Variants in NCDN observed in about 807,000 individuals in gnomAD.
NCDN encodes the protein neurochondrin.
Under a neutral mutation model 60.7 loss-of-function variants are expected in NCDN, and 9 were observed. The ratio of observed to expected loss-of-function variants is 0.15; its 90% CI spans 0.09 to 0.26. NCDN has a LOEUF of 0.26. NCDN is among the 10% of genes least tolerant of loss of function. The pLI is 1.00. For missense variants in NCDN, 578 were observed against 975.2 expected, an observed-to-expected ratio of 0.59 and a Z score of 5.42; for synonymous variants, 409 against 442.5, an observed-to-expected ratio of 0.92 and a Z score of 0.95.
Position 35,558,543 on chromosome 1 carries a change from G to T in NCDN, c.33+320G>T. 7.5e-7 allele frequency: 1 copy of T among 1,331,670 alleles called. No individual in the cohort carries two copies. The highest frequency in any genetic ancestry group is 1.8e-5 in the South Asian group (1 of 54,174). 82.5% of individuals were successfully genotyped at this position (1,331,670 alleles called of 1,614,324 possible). ...GCTGGAGGGGTGGGGTCCCCAAAGG[G>T]GCCTCCAAGCCTTCCCTGTTGAGCG... On this transcript the variant is annotated intron_variant, in intron 1 of 6. Transcript: ENST00000373243. This position sits in a 1 kb window ranked among gnomAD's most constrained non-coding sequence, Gnocchi z 6.3.
chr1:35,559,652 G>A (rs944557769), intron 2 of NCDN, among the ~76,000 whole-genome samples: 3 of 151,672 alleles, frequency 2.0e-5, no homozygotes, highest in Admixed American at 6.6e-5. Context: ...CAGTAGGTAG[G>A]TTAAGGAATG....
chr1:35,565,768 C>T lies in NCDN; in HGVS notation c.*105C>T. 8.3e-7 allele frequency: 1 copy of T among 1,210,088 alleles called. No individual in the cohort carries two copies. Among genetic ancestry groups the T allele is most frequent in the Non-Finnish European group, 1.1e-6 (1 of 890,830 alleles). 75.0% of individuals were successfully genotyped at this position (1,210,088 alleles called of 1,614,324 possible). On this transcript the variant is annotated 3_prime_UTR_variant, in exon 7 of 7. Coordinates refer to ENST00000373243, the MANE Select transcript of NCDN (RefSeq NM_014284.3). This position sits in a 1 kb window ranked among gnomAD's most constrained non-coding sequence, Gnocchi z 8.9. ...TGGCCCCCCCCTCCCCAGACTTCCT[C>T]CCCAAAACACCCCAGCTTTCTGGCT...
At position 35,562,676 on chromosome 1, in the gene NCDN, G is replaced by A. The variant is rs139656058; in HGVS notation, c.1385+43G>A. The A allele has an allele frequency of 8.4e-5, 133 of 1,576,570 alleles. No individual in the cohort carries two copies. Among genetic ancestry groups the A allele is most frequent in the South Asian group, 2.3e-4 (20 of 85,500 alleles). ...GTCTGTCCAGCTAGATCATTCTACC[G>A]AAAAGCGTTAACACAAGGACACCCC... On this transcript the variant is annotated intron_variant, in intron 4 of 6. Coordinates refer to ENST00000373243, the MANE Select transcript of NCDN (RefSeq NM_014284.3). The surrounding 1 kb of genome is among the most constrained non-coding windows in gnomAD (Gnocchi z 6.8).
In NCDN at chr1:35,561,144, G is replaced by A. The variant is rs191794024; in HGVS notation, c.993G>A (p.Glu331=). ...ALEETGTEVK[E]DVVTACYALM... ...AGGAGACGGGCACGGAGGTGAAAGA[G>A]GATGTGGTGACCGCCTGCTATGCCC... Residue 331 remains glutamate, a synonymous_variant, in exon 3 of 7, where the codon GAG becomes GAA. Coordinates refer to ENST00000373243, the MANE Select transcript of NCDN (RefSeq NM_014284.3). The surrounding 1 kb of genome is among the most constrained non-coding windows in gnomAD (Gnocchi z 4.9). 5.0e-6 allele frequency: 8 copies of A among 1,611,008 alleles called. No individual in the cohort carries two copies. In the African/African-American group the frequency reaches 5.3e-5, roughly 11 times the overall value.
rs1229613193 is a variant in NCDN, at chr1:35,561,388, C to T, written c.1143+94C>T. ...GGGGAGGAGAATAATGGGGAGACAGCGAAGCTGCATGTCCACACAAGCTGA... is the reference window on the plus strand; with the variant it reads ...GGGGAGGAGAATAATGGGGAGACAGTGAAGCTGCATGTCCACACAAGCTGA... On this transcript the variant is annotated intron_variant, in intron 3 of 6. Transcript: ENST00000373243. The surrounding 1 kb of genome is among the most constrained non-coding windows in gnomAD (Gnocchi z 4.9). The T allele has an allele frequency of 1.0e-5, 15 of 1,460,464 alleles. No individual in the cohort carries two copies. The highest frequency in any genetic ancestry group is 1.4e-5 in the African/African-American group (1 of 71,224). The allele number at this position is 1,460,464 out of a possible 1,614,324, so 90.5% of individuals were successfully genotyped here.
Position 35,559,255 on chromosome 1 carries a change from A to C in NCDN, c.174+8A>C, listed in dbSNP as rs925924595. The C allele has an allele frequency of 1.2e-6, 2 of 1,613,940 alleles. No homozygotes were observed. Among genetic ancestry groups the C allele is most frequent in the Non-Finnish European group, 1.7e-6 (2 of 1,179,876 alleles). On this transcript the variant is annotated splice_region_variant and intron_variant, in intron 2 of 6. Coordinates refer to ENST00000373243, the MANE Select transcript of NCDN (RefSeq NM_014284.3). The stretch of plus-strand genomic sequence containing the variant: ...TTTGCAGCCCTGCTGCTAGTAAGGA[A>C]CTGGCTGAAAATTGGGAGGTGGGAA...
intron 2 of NCDN, 73 bp downstream of exon 2, chr1:35,559,320 G>C: frequency 6.3e-7 from 1 of 1,595,286 alleles, no homozygotes; most frequent in East Asian, 2.2e-5. Context: ...GGGTCAGTGA[G>C]TCCCCAAGGA....
In NCDN at chr1:35,566,679, AC is replaced by A. The variant is rs1648889399; in HGVS notation, c.*1017del. Reference sequence around the variant, plus strand: ...CACACACACACACACACACACACACACTCTTGATCCCTTGCTTCCCTCCCCC... The same window carrying A: ...CACACACACACACACACACACACACATCTTGATCCCTTGCTTCCCTCCCCC... On this transcript the variant is annotated 3_prime_UTR_variant, in exon 7 of 7. Transcript: ENST00000373243. This position sits in a 1 kb window ranked among gnomAD's most constrained non-coding sequence, Gnocchi z 5.3. The A allele has an allele frequency of 5.0e-6, 2 of 396,322 alleles. No homozygotes were observed. The allele number at this position is 396,322 out of a possible 1,614,324, so 24.6% of individuals were successfully genotyped here.
chr1:35,558,176 G>C lies in NCDN; in HGVS notation c.-15G>C. The C allele has an allele frequency of 6.2e-7, 1 of 1,613,976 alleles. No homozygotes were observed. Among genetic ancestry groups the C allele is most frequent in the Non-Finnish European group, 8.5e-7 (1 of 1,179,994 alleles). ...TGAAGTGTGATCTCATCGCCGCCCT[G>C]TCGTGACTTCATCAATGTCGTGTTG... On this transcript the variant is annotated 5_prime_UTR_variant, in exon 1 of 7. Coordinates refer to ENST00000373243, the MANE Select transcript of NCDN (RefSeq NM_014284.3). The surrounding 1 kb of genome is among the most constrained non-coding windows in gnomAD (Gnocchi z 6.3).
At position 35,558,502 on chromosome 1, in the gene NCDN, G is replaced by T; in HGVS notation, c.33+279G>T. Reference sequence around the variant, plus strand: ...GAGAGGAGGCAAGGAGCCTGCGGGGGCGACTGAGAGCCCTGGCTGGAGGGG... The same window carrying T: ...GAGAGGAGGCAAGGAGCCTGCGGGGTCGACTGAGAGCCCTGGCTGGAGGGG... On this transcript the variant is annotated intron_variant, in intron 1 of 6. Coordinates refer to ENST00000373243, the MANE Select transcript of NCDN (RefSeq NM_014284.3). This position sits in a 1 kb window ranked among gnomAD's most constrained non-coding sequence, Gnocchi z 6.3. The T allele has an allele frequency of 7.2e-7, 1 of 1,381,904 alleles. No individual in the cohort carries two copies. The highest frequency in any genetic ancestry group is 9.4e-7 in the Non-Finnish European group (1 of 1,069,286). The allele number at this position is 1,381,904 out of a possible 1,614,324, so 85.6% of individuals were successfully genotyped here.
Position 35,561,760 on chromosome 1 carries a change from G to A in NCDN, c.1143+466G>A, listed in dbSNP as rs906348573. ...TATAGAGGTCTGGCTAGATCAATTC[G>A]CCTGCCTCCCCTACATCCCCTCCTG... On this transcript the variant is annotated intron_variant, in intron 3 of 6. Coordinates refer to ENST00000373243, the MANE Select transcript of NCDN (RefSeq NM_014284.3). This position sits in a 1 kb window ranked among gnomAD's most constrained non-coding sequence, Gnocchi z 4.9. Among the ~76,000 whole-genome samples the A allele has an allele frequency of 4.6e-5, 7 of 152,048 alleles. No homozygotes were observed. The highest frequency in any genetic ancestry group is 1.7e-4 in the African/African-American group (7 of 41,392).
Position 35,561,393 on chromosome 1 carries a change from C to A in NCDN, c.1143+99C>A. 3 of 1,452,056 alleles carry A rather than the reference C, an allele frequency of 2.1e-6. No individual in the cohort carries two copies. The highest frequency in any genetic ancestry group is 2.7e-6 in the Non-Finnish European group (3 of 1,101,050). 89.9% of individuals were successfully genotyped at this position (1,452,056 alleles called of 1,614,324 possible). On this transcript the variant is annotated intron_variant, in intron 3 of 6. Transcript: ENST00000373243. This position sits in a 1 kb window ranked among gnomAD's most constrained non-coding sequence, Gnocchi z 4.9. The stretch of plus-strand genomic sequence containing the variant: ...GGAGAATAATGGGGAGACAGCGAAG[C>A]TGCATGTCCACACAAGCTGATACTG...
In NCDN at chr1:35,558,757, C is replaced by G; in HGVS notation, c.34-350C>G. The G allele has an allele frequency of 8.8e-7, 1 of 1,134,824 alleles. No individual in the cohort carries two copies. The highest frequency in any genetic ancestry group is 1.1e-6 in the Non-Finnish European group (1 of 908,238). The allele number at this position is 1,134,824 out of a possible 1,614,324, so 70.3% of individuals were successfully genotyped here. On this transcript the variant is annotated intron_variant, in intron 1 of 6. Transcript: ENST00000373243. The surrounding 1 kb of genome is among the most constrained non-coding windows in gnomAD (Gnocchi z 6.3). ...GTGTCCCTGTGGAGGGAGATAAAACCCAGCCTCCGGTGCCAGGGGGACAGC... is the reference window on the plus strand; with the variant it reads ...GTGTCCCTGTGGAGGGAGATAAAACGCAGCCTCCGGTGCCAGGGGGACAGC...
chr1:35,563,447 G>A lies in NCDN; in HGVS notation c.1610+21G>A. 1.2e-6 allele frequency: 2 copies of A among 1,605,752 alleles called. No homozygotes were observed. The highest frequency in any genetic ancestry group is 2.2e-5 in the South Asian group (2 of 90,952). On this transcript the variant is annotated intron_variant, in intron 5 of 6. Coordinates refer to ENST00000373243, the MANE Select transcript of NCDN (RefSeq NM_014284.3). The surrounding 1 kb of genome is among the most constrained non-coding windows in gnomAD (Gnocchi z 6.6). The stretch of plus-strand genomic sequence containing the variant: ...ATCAAGTGAGGGGCTCGGGAGAGGT[G>A]GGGGAGGAGGCCGGAGGAGGCAAAG...
chr1:35,560,212 T>C lies in NCDN; in HGVS notation c.175-114T>C. 7.4e-7 allele frequency: 1 copy of C among 1,359,924 alleles called. No individual in the cohort carries two copies. The highest frequency in any genetic ancestry group is 1.4e-5 in the South Asian group (1 of 73,328). The allele number at this position is 1,359,924 out of a possible 1,614,324, so 84.2% of individuals were successfully genotyped here. ...AGGAGCTGGATGAAATGACCTCAGA[T>C]GAGTCCTGTTGCATAACCTCATCTT... On this transcript the variant is annotated intron_variant, in intron 2 of 6. Coordinates refer to ENST00000373243, the MANE Select transcript of NCDN (RefSeq NM_014284.3). This position sits in a 1 kb window ranked among gnomAD's most constrained non-coding sequence, Gnocchi z 7.6.
At position 35,558,369 on chromosome 1, in the gene NCDN, G is replaced by GC. The variant is rs1648480591; in HGVS notation, c.33+147dup. 3 of 1,522,150 alleles carry GC rather than the reference G, an allele frequency of 2.0e-6. No homozygotes were observed. In the Admixed American group the frequency reaches 6.0e-5, roughly 30 times the overall value. The allele number at this position is 1,522,150 out of a possible 1,614,324, so 94.3% of individuals were successfully genotyped here. On this transcript the variant is annotated intron_variant, in intron 1 of 6. Transcript: ENST00000373243. This position sits in a 1 kb window ranked among gnomAD's most constrained non-coding sequence, Gnocchi z 6.3. ...CTCCAGCCCCTGCCGGCATCCACAG[G>GC]CTGGTAGCGGGACGGGGAGGGCGAG...
In NCDN at chr1:35,558,653, C is replaced by G; in HGVS notation, c.33+430C>G. ...CCTGGGGTGTCCTTTTCTCCCATGT[C>G]AGCCTGAGTCCGGATAATCGAACTT... On this transcript the variant is annotated intron_variant, in intron 1 of 6. Transcript: ENST00000373243. The surrounding 1 kb of genome is among the most constrained non-coding windows in gnomAD (Gnocchi z 6.3). 1 of 1,141,924 alleles carries G rather than the reference C, an allele frequency of 8.8e-7. No homozygotes were observed. Among genetic ancestry groups the G allele is most frequent in the Non-Finnish European group, 1.1e-6 (1 of 925,746 alleles). 70.7% of individuals were successfully genotyped at this position (1,141,924 alleles called of 1,614,324 possible). A position where few individuals can be genotyped will look rare whatever the true frequency, so the allele number is the denominator to read the frequency against.
chr1:35,566,014 G>T lies in NCDN; in HGVS notation c.*351G>T. ...GGAGGCTCCAGGGTAAGACAGGGCTGGCAGGAGCAGACTGCCTCAGCCCAT... is the reference window on the plus strand; with the variant it reads ...GGAGGCTCCAGGGTAAGACAGGGCTTGCAGGAGCAGACTGCCTCAGCCCAT... On this transcript the variant is annotated 3_prime_UTR_variant, in exon 7 of 7. Coordinates refer to ENST00000373243, the MANE Select transcript of NCDN (RefSeq NM_014284.3). The surrounding 1 kb of genome is among the most constrained non-coding windows in gnomAD (Gnocchi z 5.3). The T allele has an allele frequency of 3.7e-6, 1 of 270,472 alleles. No individual in the cohort carries two copies. Among genetic ancestry groups the T allele is most frequent in the Non-Finnish European group, 7.2e-6 (1 of 139,798 alleles). 16.8% of individuals were successfully genotyped at this position (270,472 alleles called of 1,614,324 possible). A position where few individuals can be genotyped will look rare whatever the true frequency, so the allele number is the denominator to read the frequency against.
chr1:35,566,629 C>CCACACACACACACACA lies in NCDN; in HGVS notation c.*1002_*1017dup, dbSNP rs56974171. ...TACCTTTCTTATAAACCCAGGGGGA[C>CCACACACACACACACA]CACACACACACACACACACACACAC... On this transcript the variant is annotated 3_prime_UTR_variant, in exon 7 of 7. Transcript: ENST00000373243. The surrounding 1 kb of genome is among the most constrained non-coding windows in gnomAD (Gnocchi z 5.3). The CCACACACACACACACA allele has an allele frequency of 2.6e-5, 7 of 270,344 alleles. No individual in the cohort carries two copies. The highest frequency in any genetic ancestry group is 5.3e-5 in the Non-Finnish European group (7 of 132,196). The allele number at this position is 270,344 out of a possible 1,614,324, so 16.7% of individuals were successfully genotyped here.
Sources: gnomAD v4.1 joint callset for allele counts (sites outside exome capture counted in the v4.1 genomes callset) on GRCh38, gnomAD v4.1.1 for gene constraint, Gnocchi (gnomAD v3.1) non-coding constraint, MANE v1.5 for transcripts, NCBI Gene and HGNC (gene_info 2026-07-23, HGNC 2026-07-21) for gene names.